The following CACNA1D variants were observed in gnomAD, a reference collection of about 807,000 sequenced individuals.
CACNA1D encodes the protein voltage-dependent L-type calcium channel subunit alpha-1D.
Under a neutral mutation model 257.1 loss-of-function variants are expected in CACNA1D, and 55 were observed. The ratio of observed to expected loss-of-function variants is 0.21; its 90% CI spans 0.17 to 0.27. CACNA1D has a LOEUF of 0.27. Ranked by LOEUF, CACNA1D falls within the 10% of genes least tolerant of loss-of-function variation. CACNA1D has a pLI of 1.00. For synonymous variants in CACNA1D, 980 were observed against 1,014.9 expected (o/e 0.97, Z 0.65); for missense variants, 1,876 against 2,784.0 (o/e 0.67, Z 7.34).
chr3:53,798,328 CGTGTGTGTGCGT>C (rs1195171516), intron 40 of CACNA1D, among the ~76,000 whole-genome samples: 1 of 118,230 alleles, frequency 8.5e-6, no homozygotes. Flanking sequence ...TGTGTGTGTG[CGTGTGTGTGCGT>C]GTGTGTGTGC....
chr3:53,632,699 T>C (rs1257452886), intron 3 of CACNA1D, among the ~76,000 whole-genome samples: 2 of 152,184 alleles, frequency 1.3e-5, no homozygotes, highest in Non-Finnish European at 2.9e-5. Context: ...GGTTATTAAT[T>C]GGTCTAATTT....
chr3:53,722,381 T>C lies in CACNA1D; in HGVS notation c.1573T>C (p.Phe525Leu). ...TAGGGCCGCCGTGAAGTCTGTCACG[T>C]TTTACTGGCTGGTTATCGTCCTGGT... ...RCRAAVKSVT[F>L]YWLVIVLVFL... is the part of the protein sequence containing the mutation. The change falls in exon 12 of 48, where the codon TTT (phenylalanine) becomes CTT (leucine). Residue 525 changes from phenylalanine to leucine, a missense_variant. By Grantham distance (22) the Phe-to-Leu change is conservative. Around this residue, in one of 10 missense-constraint regions of CACNA1D, gnomAD observed 257 missense variants for 399.7 expected, o/e 0.64. Coordinates refer to ENST00000350061, the MANE Select transcript of CACNA1D (RefSeq NM_001128840.3). 6.2e-7 allele frequency: 1 copy of C among 1,614,198 alleles called. No homozygotes were observed. The highest frequency in any genetic ancestry group is 8.5e-7 in the Non-Finnish European group (1 of 1,180,000).
intron 3 of CACNA1D, among the ~76,000 whole-genome samples, chr3:53,624,417 C>T (rs1252613082): frequency 6.6e-6 from 1 of 152,234 alleles, no homozygotes; most frequent in Non-Finnish European, 1.5e-5. Flanking sequence ...CAACACAAGC[C>T]TGAGCCCTCC....
At chr3:53,810,780 A>AAAAAAAC (rs1484038472) in intron 47 of CACNA1D, among the ~76,000 whole-genome samples, 1 of 131,906 alleles carries the variant, frequency 7.6e-6, no homozygotes, top group East Asian at 2.3e-4. Flanking sequence ...AAAAAAAAAA[A>AAAAAAAC]AAAAAACAAA....
chr3:53,747,537 C>A, intron 26 of CACNA1D, 89 bp downstream of exon 26: 1 of 1,374,274 alleles, frequency 7.3e-7, no homozygotes, highest in Non-Finnish European at 1.0e-6. Flanking sequence ...CATTTCTGTT[C>A]TCCAGTGTCG....
Position 53,784,786 on chromosome 3 carries a change from C to A in CACNA1D, c.4793-2036C>A, listed in dbSNP as rs2095443984. Among the ~76,000 whole-genome samples, 3 of 152,276 alleles carry A rather than the reference C, an allele frequency of 2.0e-5. No homozygotes were observed. The South Asian group carries it at 6.2e-4, about 32-fold the overall frequency. On this transcript the variant is annotated intron_variant, in intron 39 of 47. Coordinates refer to ENST00000350061, the MANE Select transcript of CACNA1D (RefSeq NM_001128840.3). ...CAACAGCGTGTCCACTTTTTGTGTG[C>A]AGCCTGGGAAAGGGATACACTTGCA... is the stretch of plus-strand genomic sequence containing the variant.
At chr3:53,577,262 C>T (rs2093053926) in intron 3 of CACNA1D, among the ~76,000 whole-genome samples, 1 of 152,068 alleles carries the variant, frequency 6.6e-6, no homozygotes, top group Non-Finnish European at 1.5e-5. Context: ...AGTGATAGCC[C>T]AATTTCAGTG....
Position 53,752,534 on chromosome 3 carries a change from C to G in CACNA1D, c.3675+627C>G, listed in dbSNP as rs778088808. On this transcript the variant is annotated intron_variant, in intron 28 of 47. Coordinates refer to ENST00000350061, the MANE Select transcript of CACNA1D (RefSeq NM_001128840.3). ...CATGCCTCAGCATTCTGAGTAGCTA[C>G]GATTACAGGCATATGCCACCATGCC... Among the ~76,000 whole-genome samples the G allele has an allele frequency of 4.6e-5, 7 of 152,266 alleles. No individual in the cohort carries two copies. In the East Asian group the frequency reaches 1.2e-3, roughly 25 times the overall value.
chr3:53,699,295 C>T (rs2094599403), intron 8 of CACNA1D, among the ~76,000 whole-genome samples: 2 of 152,154 alleles, frequency 1.3e-5, no homozygotes, highest in Non-Finnish European at 2.9e-5. Context: ...AATTTTTCTC[C>T]CTTTGATAAT....
Position 53,737,330 on chromosome 3 carries a change from C to T in CACNA1D, c.2751+1827C>T, listed in dbSNP as rs926828765. ...GTACTGAATTTGTGCAGATTTTTTTCTTGTCATTTCCTAAATAATTTACAT... is the reference window on the plus strand; with the variant it reads ...GTACTGAATTTGTGCAGATTTTTTTTTTGTCATTTCCTAAATAATTTACAT... On this transcript the variant is annotated intron_variant, in intron 20 of 47. Transcript: ENST00000350061. 9.2e-5 allele frequency among the ~76,000 whole-genome samples: 14 copies of T among 152,196 alleles called. 1 individual carries two copies. The South Asian group carries it at 2.9e-3, about 32-fold the overall frequency.
At chr3:53,788,883 G>T (rs1444218892) in intron 40 of CACNA1D, among the ~76,000 whole-genome samples, 1 of 152,126 alleles carries the variant, frequency 6.6e-6, no homozygotes, top group African/African-American at 2.4e-5. Flanking sequence ...TGGATGCAGG[G>T]TCATTTATAC....
intron 40 of CACNA1D, among the ~76,000 whole-genome samples, chr3:53,792,919 T>C (rs746896781): frequency 3.5e-4 from 54 of 152,194 alleles, no homozygotes; most frequent in Non-Finnish European, 1.0e-4. Flanking sequence ...CTAGTTAACA[T>C]CCAGGAGCTC....
intron 8 of CACNA1D, among the ~76,000 whole-genome samples, chr3:53,675,844 C>T (rs953159057): frequency 6.6e-6 from 1 of 152,186 alleles, no homozygotes; most frequent in East Asian, 1.9e-4. Context: ...AAAGAAAACC[C>T]GAGACTTCTC....
intron 21 of CACNA1D, among the ~76,000 whole-genome samples, chr3:53,741,490 G>A (rs1206529199): frequency 6.6e-6 from 1 of 151,700 alleles, no homozygotes; most frequent in Admixed American, 6.6e-5. Flanking sequence ...TTTATTTTTT[G>A]GTTCATGAAA....
intron 3 of CACNA1D, among the ~76,000 whole-genome samples, chr3:53,604,109 A>G (rs1422725631): frequency 6.6e-6 from 1 of 152,232 alleles, no homozygotes; most frequent in African/African-American, 2.4e-5. Flanking sequence ...GGCTGAGAGT[A>G]TGGCTCTATT....
Position 53,716,250 on chromosome 3 carries a change from G to T in CACNA1D, c.1391-2051G>T, listed in dbSNP as rs138525502. On this transcript the variant is annotated intron_variant, in intron 9 of 47. Transcript: ENST00000350061. ...ACAGGAAAGTGAAGCCTGGAGAGAG[G>T]TGATCCATTGCCCAGGAGACTCAGA... 3.2e-4 allele frequency among the ~76,000 whole-genome samples: 48 copies of T among 152,372 alleles called. No individual in the cohort carries two copies. The East Asian group carries it at 6.6e-3, about 21-fold the overall frequency.
intron 9 of CACNA1D, among the ~76,000 whole-genome samples, chr3:53,711,558 C>T (rs1471432982): frequency 6.6e-6 from 1 of 152,204 alleles, no homozygotes; most frequent in African/African-American, 2.4e-5. Context: ...CGGCCCTGGT[C>T]ACCTGACTCT....
chr3:53,551,338 C>T (rs1014574932), intron 3 of CACNA1D, among the ~76,000 whole-genome samples: 6 of 152,226 alleles, frequency 3.9e-5, no homozygotes, highest in African/African-American at 1.4e-4. Context: ...GCTTGCCCTC[C>T]ACCCAGAGGA....
intron 4 of CACNA1D, among the ~76,000 whole-genome samples, chr3:53,654,083 A>C (rs752165904): frequency 6.6e-6 from 1 of 152,198 alleles, no homozygotes; most frequent in Non-Finnish European, 1.5e-5. Flanking sequence ...GTCAAAATCA[A>C]AATTTTTTCA....
Sources: allele counts gnomAD v4.1 joint callset (sites outside exome capture counted in the v4.1 genomes callset), GRCh38; gene constraint gnomAD v4.1.1; regional missense constraint gnomAD v4.1.1; transcripts MANE v1.5; gene names NCBI Gene and HGNC (gene_info 2026-07-23, HGNC 2026-07-21).